Variants in GALNT13 observed in about 807,000 individuals in gnomAD.
GALNT13 encodes UDP-GalNAc:polypeptide N-acetylgalactosaminyltransferase 13.
Under a neutral mutation model 64.2 loss-of-function variants are expected in GALNT13, and 28 were observed. The observed-to-expected ratio is 0.44, with a 90% CI of 0.32 to 0.60. The LOEUF is 0.60. Among genes scored for constraint, GALNT13 ranks in the 20% least tolerant of loss-of-function variants. The probability of loss-of-function intolerance (pLI) is 0.05; values close to 1 mark genes in which losing one functional copy is unlikely to be tolerated. For synonymous variants in GALNT13, 214 were observed against 224.6 expected (o/e 0.95, Z 0.42); for missense variants, 577 against 669.8 (o/e 0.86, Z 1.53).
chr2:154,295,833 A>T (rs1692892473), intron 8 of GALNT13, among the ~76,000 whole-genome samples: 1 of 152,124 alleles, frequency 6.6e-6, no homozygotes, highest in Non-Finnish European at 1.5e-5. Flanking sequence ...GTGAAATGGG[A>T]AGGCTAGAAA....
the GALNT13 span, among the ~76,000 whole-genome samples, chr2:153,321,472 T>C: frequency 1.3e-5 from 2 of 152,202 alleles, no homozygotes; most frequent in East Asian, 3.8e-4. Flanking sequence ...TAAGCACATA[T>C]TAAGTTTCTT....
chr2:154,185,631 A>G (rs1686208244), intron 4 of GALNT13, among the ~76,000 whole-genome samples: 2 of 151,868 alleles, frequency 1.3e-5, no homozygotes, highest in South Asian at 2.1e-4. Context: ...ATCTGCTGTT[A>G]AAGTTCTCCA....
the GALNT13 span, among the ~76,000 whole-genome samples, chr2:153,099,669 A>T: frequency 6.6e-6 from 1 of 152,210 alleles, no homozygotes; most frequent in Non-Finnish European, 1.5e-5. Flanking sequence ...ACTCTATTTA[A>T]TGTTTTTCAT....
the GALNT13 span, among the ~76,000 whole-genome samples, chr2:153,133,084 A>G: frequency 6.6e-6 from 1 of 150,588 alleles, no homozygotes; most frequent in Admixed American, 6.6e-5. Context: ...GTGTTAAGGA[A>G]GTCTTTGTTT....
intron 2 of GALNT13, among the ~76,000 whole-genome samples, chr2:153,928,901 G>A (rs1348109905): frequency 6.6e-6 from 1 of 152,104 alleles, no homozygotes; most frequent in Non-Finnish European, 1.5e-5. Context: ...CTTATAAAAT[G>A]TTACTGCTTT....
chr2:153,757,687 T>A, the GALNT13 span, among the ~76,000 whole-genome samples: 1 of 152,166 alleles, frequency 6.6e-6, no homozygotes, highest in Non-Finnish European at 1.5e-5. Context: ...CTGATAAGTG[T>A]AAGGACATAC....
At chr2:153,160,534 T>C in the GALNT13 span, among the ~76,000 whole-genome samples, 5 of 152,228 alleles carry the variant, frequency 3.3e-5, no homozygotes, top group African/African-American at 1.2e-4. Flanking sequence ...AACTTTCTTT[T>C]TGACTGCTGA....
In GALNT13 at chr2:153,988,069, T is replaced by TAC. The variant is rs201667115; in HGVS notation, c.142+43431_142+43432insCA. The stretch of plus-strand genomic sequence containing the variant: ...GGGTAGGAGGTGACATATATATATA[T>TAC]ATATACACACACACACACACACACA... On this transcript the variant is annotated intron_variant, in intron 3 of 12. Coordinates refer to ENST00000392825, the MANE Select transcript of GALNT13 (RefSeq NM_052917.4). 1.1e-3 allele frequency among the ~76,000 whole-genome samples: 159 copies of TAC among 143,514 alleles called. 1 individual carries two copies. Among genetic ancestry groups the TAC allele is most frequent in the Middle Eastern group, 6.9e-3 (2 of 290 alleles). The allele number at this position is 143,514 out of a possible 152,430, so 94.2% of individuals were successfully genotyped here. A position where few individuals can be genotyped will look rare whatever the true frequency, so the allele number is the denominator to read the frequency against.
chr2:153,444,820 T>C, the GALNT13 span, among the ~76,000 whole-genome samples: 1 of 152,190 alleles, frequency 6.6e-6, no homozygotes, highest in South Asian at 2.1e-4. Context: ...GTAAGTTCTT[T>C]TGAGTCATTC....
At chr2:153,119,875 G>C in the GALNT13 span, among the ~76,000 whole-genome samples, 1 of 152,222 alleles carries the variant, frequency 6.6e-6, no homozygotes, top group South Asian at 2.1e-4. Context: ...CGTGTTCTAC[G>C]TTTTCTGGCT....
intron 9 of GALNT13, among the ~76,000 whole-genome samples, chr2:154,307,360 C>T (rs1693795809): frequency 6.6e-6 from 1 of 152,152 alleles, no homozygotes; most frequent in Admixed American, 6.5e-5. Context: ...TACTTTTATA[C>T]ATTTTGGTAT....
chr2:154,124,738 C>T (rs1003817844), intron 3 of GALNT13, among the ~76,000 whole-genome samples: 1 of 151,808 alleles, frequency 6.6e-6, no homozygotes, highest in Admixed American at 6.6e-5. Flanking sequence ...AATCAATGAC[C>T]ATGAGGTTAA....
chr2:153,191,815 T>C, the GALNT13 span, among the ~76,000 whole-genome samples: 1 of 152,176 alleles, frequency 6.6e-6, no homozygotes, highest in Non-Finnish European at 1.5e-5. Flanking sequence ...CAGAAATTTA[T>C]CTATTTCTTC....
At chr2:153,662,846 C>T in the GALNT13 span, among the ~76,000 whole-genome samples, 1 of 152,130 alleles carries the variant, frequency 6.6e-6, no homozygotes, top group African/African-American at 2.4e-5. Flanking sequence ...AAGTCAATGT[C>T]TTTAAGATTG....
At chr2:154,058,591 A>C (rs1474746342) in intron 3 of GALNT13, among the ~76,000 whole-genome samples, 1 of 152,134 alleles carries the variant, frequency 6.6e-6, no homozygotes, top group Non-Finnish European at 1.5e-5. Context: ...GAGCAAACAC[A>C]TGAAGTTTGT....
At chr2:154,405,062 A>G (rs1699466548) in intron 10 of GALNT13, among the ~76,000 whole-genome samples, 1 of 152,168 alleles carries the variant, frequency 6.6e-6, no homozygotes, top group African/African-American at 2.4e-5. Context: ...TCTGCAAACA[A>G]TGCAAGCACA....
At chr2:153,523,122 A>ATTGCGT in the GALNT13 span, among the ~76,000 whole-genome samples, 1 of 138,390 alleles carries the variant, frequency 7.2e-6, no homozygotes, top group African/African-American at 2.9e-5. Flanking sequence ...TCTCCTTTCA[A>ATTGCGT]TTGCGTTGGC....
At chr2:153,097,540 A>G in the GALNT13 span, among the ~76,000 whole-genome samples, 33 of 152,306 alleles carry the variant, frequency 2.2e-4, no homozygotes, top group East Asian at 5.6e-3. Context: ...ATAACCTAAC[A>G]CATATTTCTT....
chr2:153,639,912 A>G, the GALNT13 span, among the ~76,000 whole-genome samples: 5 of 152,068 alleles, frequency 3.3e-5, no homozygotes, highest in Admixed American at 1.3e-4. Context: ...ATGGTAAGGG[A>G]TGACCTGGAA....
Sources: allele counts gnomAD v4.1 joint callset (sites outside exome capture counted in the v4.1 genomes callset), GRCh38; gene constraint gnomAD v4.1.1; transcripts MANE v1.5; gene names NCBI Gene and HGNC (gene_info 2026-07-23, HGNC 2026-07-21).